Variants in SESN1 observed in about 807,000 individuals in gnomAD.
SESN1 encodes sestrin-1.
SESN1 carries 30 observed loss-of-function variants against 59.3 expected under a neutral mutation model. The ratio of observed to expected loss-of-function variants is 0.51; its 90% CI spans 0.38 to 0.69. SESN1 has a LOEUF of 0.69. Among genes scored for constraint, SESN1 ranks in the 30% least tolerant of loss-of-function variants. SESN1 has a pLI of 0.00. For missense variants in SESN1, 566 were observed against 673.0 expected (o/e 0.84, Z 1.76); for synonymous variants, 197 against 219.9 (o/e 0.90, Z 0.92).
At chr6:109,085,470 G>C (rs968129310) in intron 1 of SESN1, among the ~76,000 whole-genome samples, 4 of 151,950 alleles carry the variant, frequency 2.6e-5, no homozygotes, top group African/African-American at 9.7e-5. Flanking sequence ...AGTGAGCCGA[G>C]GTCGCACCAC....
At chr6:109,027,663 G>A (rs117695165) in intron 1 of SESN1, among the ~76,000 whole-genome samples, 2,835 of 152,140 alleles carry the variant, frequency 0.019, 36 homozygotes, top group Non-Finnish European at 0.029. Flanking sequence ...GGAGCAGGTT[G>A]TTACTGGTAT....
intron 1 of SESN1, among the ~76,000 whole-genome samples, chr6:109,036,485 A>C (rs1351926995): frequency 6.6e-6 from 1 of 152,168 alleles, no homozygotes; most frequent in Non-Finnish European, 1.5e-5. Context: ...AAAAGAAACA[A>C]ACCAGTTTCT....
intron 1 of SESN1, among the ~76,000 whole-genome samples, chr6:109,004,234 A>G (rs1318539875): frequency 6.6e-6 from 1 of 152,206 alleles, no homozygotes; most frequent in Non-Finnish European, 1.5e-5. Context: ...CAGCAGGCCT[A>G]AGAATACCAC....
At chr6:109,011,289 C>T (rs550800330) in intron 1 of SESN1, among the ~76,000 whole-genome samples, 1 of 152,320 alleles carries the variant, frequency 6.6e-6, no homozygotes, top group African/African-American at 2.4e-5. Context: ...AGAAATATTT[C>T]AGATATACTG....
chr6:109,026,568 C>T (rs891972958), intron 1 of SESN1, among the ~76,000 whole-genome samples: 2 of 152,066 alleles, frequency 1.3e-5, no homozygotes, highest in African/African-American at 4.8e-5. Flanking sequence ...GCAATCTCGG[C>T]TCACTGCAAC....
chr6:109,036,387 G>A (rs1470269209), intron 1 of SESN1, among the ~76,000 whole-genome samples: 1 of 152,164 alleles, frequency 6.6e-6, no homozygotes, highest in African/African-American at 2.4e-5. Flanking sequence ...GTCCTTTTGT[G>A]AGGAATGGAA....
intron 1 of SESN1, among the ~76,000 whole-genome samples, chr6:109,052,076 A>G (rs1780550875): frequency 6.6e-6 from 1 of 152,230 alleles, no homozygotes; most frequent in African/African-American, 2.4e-5. Flanking sequence ...ATTACTTTTA[A>G]TAAGACAGAT....
Position 109,093,963 on chromosome 6 carries a change from C to A in SESN1, c.111G>T (p.Glu37Asp). The change falls in exon 1 of 10, where the codon GAG becomes GAT. Residue 37 changes from glutamate to aspartate, a missense_variant. Coordinates refer to ENST00000436639, the MANE Select transcript of SESN1 (RefSeq NM_014454.3). ...NIRQTILRKT[E>D]YLRSVKETPH... ...GTGTTTCTTTCACCGAACGAAGATACTCGGTTTTCCTCAAAATGGTTTGCC... is the reference window on the plus strand; with the variant it reads ...GTGTTTCTTTCACCGAACGAAGATAATCGGTTTTCCTCAAAATGGTTTGCC... 6.2e-7 allele frequency: 1 copy of A among 1,614,204 alleles called. No homozygotes were observed. The highest frequency in any genetic ancestry group is 8.5e-7 in the Non-Finnish European group (1 of 1,180,036).
At chr6:109,026,976 C>T (rs1299766050) in intron 1 of SESN1, among the ~76,000 whole-genome samples, 1 of 151,996 alleles carries the variant, frequency 6.6e-6, no homozygotes, top group African/African-American at 2.4e-5. Flanking sequence ...TCAAGACCAG[C>T]CTGGCCAACA....
At chr6:109,038,065 C>A (rs773256051) in intron 1 of SESN1, among the ~76,000 whole-genome samples, 5 of 152,208 alleles carry the variant, frequency 3.3e-5, no homozygotes, top group Non-Finnish European at 7.3e-5. Context: ...CTGGAAGGTT[C>A]CATGCTAGAG....
At chr6:109,087,867 C>A (rs1437976131) in intron 1 of SESN1, among the ~76,000 whole-genome samples, 4 of 151,492 alleles carry the variant, frequency 2.6e-5, no homozygotes, top group African/African-American at 9.7e-5. Flanking sequence ...GTTAGATACA[C>A]ATGCAGTTTT....
chr6:109,092,334 G>A (rs955502246), intron 1 of SESN1, among the ~76,000 whole-genome samples: 1 of 152,146 alleles, frequency 6.6e-6, no homozygotes, highest in Non-Finnish European at 1.5e-5. Context: ...ATTAGTAAAG[G>A]AGTGGAATTT....
At position 109,091,895 on chromosome 6, in the gene SESN1, A is replaced by T. The variant is rs1991094; in HGVS notation, c.279+1900T>A. ...CAGACTACTGATGAAAAACAGAAAG[A>T]AAGTATAAATTTGTTCATCCACTGG... On this transcript the variant is annotated intron_variant, in intron 1 of 9. Coordinates refer to ENST00000436639, the MANE Select transcript of SESN1 (RefSeq NM_014454.3). Among the ~76,000 whole-genome samples the T allele has an allele frequency of 5.6e-3, 847 of 152,322 alleles. 14 individuals are homozygous for T. The highest frequency in any genetic ancestry group is 0.02 in the African/African-American group (821 of 41,578).
chr6:109,022,171 G>A (rs966788330), intron 1 of SESN1, among the ~76,000 whole-genome samples: 4 of 151,558 alleles, frequency 2.6e-5, no homozygotes, highest in Non-Finnish European at 5.9e-5. Flanking sequence ...TACTCCTAAC[G>A]GGGCACCTGG....
At chr6:109,055,594 G>A (rs1189433457) in intron 1 of SESN1, among the ~76,000 whole-genome samples, 3 of 150,582 alleles carry the variant, frequency 2.0e-5, no homozygotes, top group Non-Finnish European at 3.0e-5. Flanking sequence ...CCTGGGAGGC[G>A]GAGGTTGCAG....
chr6:109,089,863 T>C (rs532527929), intron 1 of SESN1, among the ~76,000 whole-genome samples: 5 of 152,320 alleles, frequency 3.3e-5, no homozygotes, highest in Middle Eastern at 3.4e-3. Flanking sequence ...ACTTTTGTCA[T>C]AGGCTAGTAG....
At chr6:108,997,871 T>C (rs1779532819) in intron 5 of SESN1, among the ~76,000 whole-genome samples, 1 of 152,158 alleles carries the variant, frequency 6.6e-6, no homozygotes, top group African/African-American at 2.4e-5. Flanking sequence ...ATACAGGAAT[T>C]AAAATTTGCT....
intron 1 of SESN1, among the ~76,000 whole-genome samples, chr6:109,061,758 C>T (rs1042791367): frequency 5.3e-5 from 8 of 151,806 alleles, no homozygotes; most frequent in African/African-American, 1.2e-4. Context: ...GAACTGAGAG[C>T]GCACCACTGC....
intron 1 of SESN1, among the ~76,000 whole-genome samples, chr6:109,054,084 T>TG (rs570022990): frequency 1.5e-3 from 232 of 151,222 alleles, no homozygotes; most frequent in Non-Finnish European, 2.2e-3. Flanking sequence ...CTTAATTTTT[T>TG]GGGGGGGGAG....
Sources: gnomAD v4.1 joint callset for allele counts (sites outside exome capture counted in the v4.1 genomes callset) on GRCh38, gnomAD v4.1.1 for gene constraint, MANE v1.5 for transcripts, NCBI Gene and HGNC (gene_info 2026-07-23, HGNC 2026-07-21) for gene names.